The following ERC2 variants were observed in gnomAD, a reference collection of about 807,000 sequenced individuals.
ERC2 encodes ELKS/RAB6-interacting/CAST family member 2.
Under a neutral mutation model 114.8 loss-of-function variants are expected in ERC2, and 42 were observed. That is an observed-to-expected ratio of 0.37 (90% CI 0.29 to 0.47). The LOEUF (loss-of-function observed/expected upper bound fraction) is 0.47, where lower values mean the gene tolerates loss of function less well. ERC2 is among the 20% of genes least tolerant of loss of function. The pLI, the probability that ERC2 is intolerant of heterozygous loss-of-function variation, is 0.99. For missense variants in ERC2, 939 were observed against 1,150.7 expected, an observed-to-expected ratio of 0.82 and a Z score of 2.66; for synonymous variants, 454 against 425.5, an observed-to-expected ratio of 1.07 and a Z score of -0.82.
intron 6 of ERC2, among the ~76,000 whole-genome samples, chr3:56,087,890 A>G (rs2077587908): frequency 6.6e-6 from 1 of 152,324 alleles, no homozygotes; most frequent in South Asian, 2.1e-4. Context: ...AAGTACGCAT[A>G]ATGTACACAG....
In ERC2 at chr3:56,166,793, A is replaced by C. The variant is rs1343439302; in HGVS notation, c.1149+6653T>G. ...TTTGCTGTCTCTACTCTTCTTGCTG[A>C]TTCTAACCAGGATTTGTCATTTTTG... On this transcript the variant is annotated intron_variant, in intron 4 of 17. Coordinates refer to ENST00000288221, the MANE Select transcript of ERC2 (RefSeq NM_015576.3). 3.3e-5 allele frequency among the ~76,000 whole-genome samples: 5 copies of C among 152,064 alleles called. No individual in the cohort carries two copies. The South Asian group carries it at 1.0e-3, about 32-fold the overall frequency.
At chr3:55,588,151 C>A (rs979276726) in intron 17 of ERC2, among the ~76,000 whole-genome samples, 9 of 152,132 alleles carry the variant, frequency 5.9e-5, no homozygotes, top group African/African-American at 2.2e-4. Context: ...ACATCAGGGT[C>A]GTTTCCTGGT....
At chr3:55,850,820 T>C (rs937671563) in intron 14 of ERC2, among the ~76,000 whole-genome samples, 1 of 145,428 alleles carries the variant, frequency 6.9e-6, no homozygotes, top group Non-Finnish European at 1.5e-5. Flanking sequence ...CTCCTGACCA[T>C]CCTGTTTCTA....
chr3:56,454,849 A>G (rs1351968499), intron 1 of ERC2, among the ~76,000 whole-genome samples: 4 of 111,422 alleles, frequency 3.6e-5, no homozygotes, highest in Non-Finnish European at 5.2e-5. Context: ...ACAGAGTGAG[A>G]CTCTGTCTCA....
intron 2 of ERC2, among the ~76,000 whole-genome samples, chr3:56,355,298 GTTTTCT>G (rs1484492325): frequency 2.8e-4 from 42 of 149,128 alleles, no homozygotes; most frequent in Non-Finnish European, 4.3e-4. Flanking sequence ...TTTTTTTCTT[GTTTTCT>G]TTTTCTTTTT....
At chr3:56,270,981 C>CA (rs1436367280) in intron 3 of ERC2, among the ~76,000 whole-genome samples, 6 of 152,060 alleles carry the variant, frequency 3.9e-5, no homozygotes, top group Admixed American at 1.3e-4. Context: ...GACTCCATCT[C>CA]AAAAAACAAA....
At chr3:56,143,380 C>T (rs895281561) in intron 5 of ERC2, among the ~76,000 whole-genome samples, 1 of 152,136 alleles carries the variant, frequency 6.6e-6, no homozygotes, top group East Asian at 1.9e-4. Context: ...AATTGTAGCT[C>T]CCATAATTCC....
intron 12 of ERC2, among the ~76,000 whole-genome samples, chr3:55,969,068 T>C (rs796957589): frequency 1.3e-5 from 2 of 152,082 alleles, no homozygotes; most frequent in South Asian, 4.2e-4. Flanking sequence ...ACTCGAATGA[T>C]TAAAATGGCC....
chr3:55,812,479 T>A (rs1393344235), intron 14 of ERC2, among the ~76,000 whole-genome samples: 4 of 152,234 alleles, frequency 2.6e-5, no homozygotes, highest in Non-Finnish European at 4.4e-5. Flanking sequence ...TTCCAGACAT[T>A]GGATTCCAGA....
intron 8 of ERC2, among the ~76,000 whole-genome samples, chr3:56,012,046 C>G (rs1210048413): frequency 6.6e-6 from 1 of 152,098 alleles, no homozygotes; most frequent in Non-Finnish European, 1.5e-5. Context: ...AGAAATATAA[C>G]AAATGAAACT....
intron 14 of ERC2, among the ~76,000 whole-genome samples, chr3:55,746,427 TTTCACCATGTTATCCAGG>T (rs2066308825): frequency 6.6e-6 from 1 of 151,914 alleles, no homozygotes. Context: ...AGAGACGGGG[TTTCACCATGTTATCCAGG>T]CTGGTCTCGA....
intron 3 of ERC2, among the ~76,000 whole-genome samples, chr3:56,234,205 T>A (rs895896852): frequency 3.9e-5 from 6 of 152,030 alleles, no homozygotes; most frequent in Admixed American, 6.6e-5. Context: ...AGACAAAGAG[T>A]AGCAGCATGA....
chr3:56,081,116 C>T, intron 6 of ERC2, 132 bp from the exon 7 acceptor site: 1 of 857,502 alleles, frequency 1.2e-6, no homozygotes. Flanking sequence ...CTGCTCATGG[C>T]ACCTCACTGC....
intron 15 of ERC2, among the ~76,000 whole-genome samples, chr3:55,704,186 G>A (rs963477981): frequency 6.6e-6 from 1 of 152,156 alleles, no homozygotes; most frequent in African/African-American, 2.4e-5. Context: ...GTTTATCCAA[G>A]GAGCTCTTGA....
chr3:55,799,979 G>T (rs1401590877), intron 14 of ERC2, among the ~76,000 whole-genome samples: 1 of 152,070 alleles, frequency 6.6e-6, no homozygotes, highest in Non-Finnish European at 1.5e-5. Flanking sequence ...GAAAACAGTG[G>T]TAATCCAATC....
intron 2 of ERC2, among the ~76,000 whole-genome samples, chr3:56,417,193 T>C (rs2061199398): frequency 6.6e-6 from 1 of 152,208 alleles, no homozygotes; most frequent in East Asian, 1.9e-4. Context: ...AACCATGTGA[T>C]CTTTCTTTGG....
chr3:55,553,696 C>T (rs1245150590), intron 17 of ERC2, among the ~76,000 whole-genome samples: 2 of 151,958 alleles, frequency 1.3e-5, no homozygotes, highest in South Asian at 2.1e-4. Flanking sequence ...AGGAGAATGG[C>T]GTGAACCCGG....
chr3:55,604,024 T>C (rs557434260), intron 17 of ERC2, among the ~76,000 whole-genome samples: 1 of 152,342 alleles, frequency 6.6e-6, no homozygotes, highest in East Asian at 1.9e-4. Context: ...CCACTGTGCC[T>C]GCCAGGCTGA....
chr3:56,272,940 C>T (rs2053750367), intron 3 of ERC2, among the ~76,000 whole-genome samples: 1 of 152,162 alleles, frequency 6.6e-6, no homozygotes, highest in African/African-American at 2.4e-5. Flanking sequence ...TAGATGTAGT[C>T]TCACGTATAA....
Sources: allele counts gnomAD v4.1 joint callset (sites outside exome capture counted in the v4.1 genomes callset), GRCh38; gene constraint gnomAD v4.1.1; transcripts MANE v1.5; gene names NCBI Gene and HGNC (gene_info 2026-07-23, HGNC 2026-07-21).